The following ZC3H12C variants were observed in gnomAD, a reference collection of about 807,000 sequenced individuals.
ZC3H12C encodes the protein probable ribonuclease ZC3H12C.
Under a neutral mutation model 76.3 loss-of-function variants are expected in ZC3H12C, and 20 were observed. The ratio of observed to expected loss-of-function variants is 0.26; its 90% CI spans 0.18 to 0.38. ZC3H12C has a LOEUF of 0.38. ZC3H12C is among the 10% of genes least tolerant of loss of function. The pLI, the probability that ZC3H12C is intolerant of heterozygous loss-of-function variation, is 1.00. For synonymous variants in ZC3H12C, 352 were observed against 399.6 expected, an observed-to-expected ratio of 0.88 and a Z score of 1.42; for missense variants, 874 against 1,086.5, an observed-to-expected ratio of 0.80 and a Z score of 2.75.
At chr11:110,161,087 G>A (rs1293570510) in intron 4 of ZC3H12C, among the ~76,000 whole-genome samples, 1 of 151,868 alleles carries the variant, frequency 6.6e-6, no homozygotes, top group African/African-American at 2.4e-5. Flanking sequence ...CAAGTGGTCT[G>A]TCTGCCTTGG....
Position 110,166,220 on chromosome 11 carries a change from T to C in ZC3H12C, c.*483T>C, listed in dbSNP as rs1308617314. On this transcript the variant is annotated 3_prime_UTR_variant, in exon 6 of 6. Coordinates refer to ENST00000278590, the MANE Select transcript of ZC3H12C (RefSeq NM_033390.2). Reference sequence around the variant, plus strand: ...CTTTTACAGCTTTTTAAGTTATTTTTATTTGGGGAAAGTGGGCTTCTTTGT... The same window carrying C: ...CTTTTACAGCTTTTTAAGTTATTTTCATTTGGGGAAAGTGGGCTTCTTTGT... The C allele has an allele frequency of 6.5e-6, 1 of 154,904 alleles. No individual in the cohort carries two copies. The highest frequency in any genetic ancestry group is 1.9e-4 in the East Asian group (1 of 5,232). The allele number at this position is 154,904 out of a possible 1,614,324, so 9.6% of individuals were successfully genotyped here. A position where few individuals can be genotyped will look rare whatever the true frequency, so the allele number is the denominator to read the frequency against.
chr11:110,159,745 A>G (rs2134197758), intron 4 of ZC3H12C, among the ~76,000 whole-genome samples: 1 of 152,346 alleles, frequency 6.6e-6, no homozygotes, highest in African/African-American at 2.4e-5. Context: ...AAGTCTTCTA[A>G]GACTATGTCT....
intron 3 of ZC3H12C, among the ~76,000 whole-genome samples, chr11:110,156,443 C>T (rs1217107100): frequency 6.6e-6 from 1 of 152,190 alleles, no homozygotes; most frequent in East Asian, 1.9e-4. Context: ...ACCCATATTA[C>T]TTATGTCAGG....
Position 110,147,572 on chromosome 11 carries a change from C to A in ZC3H12C, c.774-5347C>A, listed in dbSNP as rs187149321. Among the ~76,000 whole-genome samples, 974 of 150,102 alleles carry A rather than the reference C, an allele frequency of 6.5e-3. 6 individuals are homozygous for A. Among genetic ancestry groups the A allele is most frequent in the Non-Finnish European group, 0.011 (736 of 67,580 alleles). ...CCATGGCACATGTATACCTATGTAA[C>A]AAACCTGCACATTTCAGCCCATGTA... On this transcript the variant is annotated intron_variant, in intron 2 of 5. Coordinates refer to ENST00000278590, the MANE Select transcript of ZC3H12C (RefSeq NM_033390.2).
chr11:110,162,915 A>G lies in ZC3H12C; in HGVS notation c.1149-358A>G, dbSNP rs148841081. Among the ~76,000 whole-genome samples the G allele has an allele frequency of 4.3e-3, 648 of 152,248 alleles. 4 individuals are homozygous for G. Among genetic ancestry groups the G allele is most frequent in the Non-Finnish European group, 6.2e-3 (423 of 68,024 alleles). ...TGCTCCACCTCGCCCCACCTGCAGC[A>G]GTCCATTTCATGAGGTGTATGTTGA... On this transcript the variant is annotated intron_variant, in intron 4 of 5. Coordinates refer to ENST00000278590, the MANE Select transcript of ZC3H12C (RefSeq NM_033390.2).
At position 110,165,934 on chromosome 11, in the gene ZC3H12C, A is replaced by C; in HGVS notation, c.*197A>C. 1.7e-6 allele frequency: 1 copy of C among 572,048 alleles called. No homozygotes were observed. The highest frequency in any genetic ancestry group is 2.8e-6 in the Non-Finnish European group (1 of 355,948). 35.4% of individuals were successfully genotyped at this position (572,048 alleles called of 1,614,324 possible). ...TATCACGGGATTGCTTTACATTTAA[A>C]CTTTTTTTTTTTAACATTTCCTTTT... is the stretch of plus-strand genomic sequence containing the variant. On this transcript the variant is annotated 3_prime_UTR_variant, in exon 6 of 6. Transcript: ENST00000278590.
At chr11:110,161,448 G>A (rs1483479765) in intron 4 of ZC3H12C, among the ~76,000 whole-genome samples, 3 of 152,174 alleles carry the variant, frequency 2.0e-5, no homozygotes. Flanking sequence ...ATGACATCAA[G>A]CATGTCTCAT....
intron 1 of ZC3H12C, among the ~76,000 whole-genome samples, chr11:110,125,729 C>T (rs1565255405): frequency 6.6e-6 from 1 of 152,212 alleles, no homozygotes; most frequent in Admixed American, 6.5e-5. Flanking sequence ...GCCCCGCCAC[C>T]ATCTCCTTAC....
At chr11:110,148,404 AG>A (rs1413707155) in intron 2 of ZC3H12C, among the ~76,000 whole-genome samples, 4 of 152,220 alleles carry the variant, frequency 2.6e-5, no homozygotes, top group Non-Finnish European at 5.9e-5. Context: ...CTACTGCTAA[AG>A]CCAGTGATGA....
intron 2 of ZC3H12C, among the ~76,000 whole-genome samples, chr11:110,141,637 G>C (rs1862069381): frequency 6.6e-6 from 1 of 152,008 alleles, no homozygotes; most frequent in Non-Finnish European, 1.5e-5. Context: ...AAAATTGCCG[G>C]AATTCATACA....
chr11:110,155,497 G>C (rs1306795321), intron 3 of ZC3H12C, among the ~76,000 whole-genome samples: 2 of 151,322 alleles, frequency 1.3e-5, no homozygotes, highest in Non-Finnish European at 2.9e-5. Flanking sequence ...ACAAATATTT[G>C]TGACCAAAGA....
chr11:110,097,126 T>C (rs1172141639), intron 1 of ZC3H12C, among the ~76,000 whole-genome samples: 2 of 152,268 alleles, frequency 1.3e-5, no homozygotes, highest in Non-Finnish European at 2.9e-5. Context: ...TTTAACATTA[T>C]GGCAAATTTC....
intron 1 of ZC3H12C, among the ~76,000 whole-genome samples, chr11:110,123,549 G>C (rs1861687014): frequency 6.6e-6 from 1 of 152,126 alleles, no homozygotes; most frequent in African/African-American, 2.4e-5. Context: ...ATCTACTCTT[G>C]ATGACATAGG....
chr11:110,103,642 G>A (rs1861261106), intron 1 of ZC3H12C, among the ~76,000 whole-genome samples: 1 of 151,068 alleles, frequency 6.6e-6, no homozygotes, highest in African/African-American at 2.4e-5. Flanking sequence ...GTCTCGCTCT[G>A]TTGCCCAGGC....
intron 1 of ZC3H12C, among the ~76,000 whole-genome samples, chr11:110,119,930 T>C (rs1054831641): frequency 2.0e-5 from 3 of 152,226 alleles, no homozygotes; most frequent in African/African-American, 7.2e-5. Flanking sequence ...TATATGAATT[T>C]TGCAGGGACA....
intron 1 of ZC3H12C, among the ~76,000 whole-genome samples, chr11:110,112,492 C>T (rs1218841427): frequency 1.1e-4 from 17 of 152,156 alleles, no homozygotes; most frequent in Non-Finnish European, 5.9e-5. Flanking sequence ...CACCCGATCC[C>T]TTTTGGAATT....
chr11:110,100,016 G>T (rs1436276437), intron 1 of ZC3H12C, among the ~76,000 whole-genome samples: 1 of 77,954 alleles, frequency 1.3e-5, no homozygotes, highest in Non-Finnish European at 2.7e-5. Context: ...CTATAGATTA[G>T]TCATAAGAAT....
At chr11:110,147,792 G>T (rs1400912743) in intron 2 of ZC3H12C, among the ~76,000 whole-genome samples, 1 of 152,082 alleles carries the variant, frequency 6.6e-6, no homozygotes, top group African/African-American at 2.4e-5. Context: ...TGTTATCCAG[G>T]TTCTCAGACT....
chr11:110,149,228 T>C (rs1862223698), intron 2 of ZC3H12C, among the ~76,000 whole-genome samples: 1 of 152,202 alleles, frequency 6.6e-6, no homozygotes, highest in African/African-American at 2.4e-5. Context: ...CAGGGGAATA[T>C]TGGCTGGGAA....
Sources: allele counts gnomAD v4.1 joint callset (sites outside exome capture counted in the v4.1 genomes callset), GRCh38; gene constraint gnomAD v4.1.1; transcripts MANE v1.5; gene names NCBI Gene and HGNC (gene_info 2026-07-23, HGNC 2026-07-21).